GBE1: variants seen among roughly 807,000 people sequenced by gnomAD.
GBE1 encodes the protein 1,4-alpha-glucan-branching enzyme.
A neutral mutation model predicts 88.8 loss-of-function variants in GBE1; 70 were observed. The observed-to-expected ratio is 0.79, with a 90% CI of 0.65 to 0.96. The LOEUF (loss-of-function observed/expected upper bound fraction) is 0.96. GBE1 is among the 40% of genes least tolerant of loss of function. GBE1 has a pLI of 0.00. For missense variants in GBE1, 872 were observed against 871.0 expected (o/e 1.00, Z -0.01); for synonymous variants, 284 against 300.1 (o/e 0.95, Z 0.56).
intron 3 of GBE1, among the ~76,000 whole-genome samples, chr3:81,650,564 T>A (rs1339877661): frequency 6.6e-6 from 1 of 152,238 alleles, no homozygotes; most frequent in East Asian, 1.9e-4. Context: ...CAAATTTATT[T>A]TTTTAACTGA....
chr3:81,585,922 T>C (rs1703797689), intron 10 of GBE1, among the ~76,000 whole-genome samples, 170 bp downstream of exon 10: 1 of 152,230 alleles, frequency 6.6e-6, no homozygotes, highest in South Asian at 2.1e-4. Flanking sequence ...GAACTTTTAA[T>C]ATTTTGAGAA....
chr3:81,545,001 C>T (rs1703188451), intron 12 of GBE1, among the ~76,000 whole-genome samples: 1 of 151,844 alleles, frequency 6.6e-6, no homozygotes, highest in Non-Finnish European at 1.5e-5. Flanking sequence ...TGTTATTGTT[C>T]CCCAGTTTAC....
intron 1 of GBE1, among the ~76,000 whole-genome samples, chr3:81,744,108 T>C (rs1706389775): frequency 6.6e-6 from 1 of 152,090 alleles, no homozygotes; most frequent in Non-Finnish European, 1.5e-5. Flanking sequence ...ATACCAACTT[T>C]TTCCAAAAGC....
At chr3:81,674,600 T>C (rs1232503579) in intron 2 of GBE1, among the ~76,000 whole-genome samples, 1 of 151,872 alleles carries the variant, frequency 6.6e-6, no homozygotes, top group Non-Finnish European at 1.5e-5. Context: ...TATAAGCTGG[T>C]AGACACATTT....
chr3:81,601,534 C>T (rs993677950), intron 7 of GBE1, among the ~76,000 whole-genome samples: 4 of 152,020 alleles, frequency 2.6e-5, no homozygotes, highest in Admixed American at 2.0e-4. Flanking sequence ...TTTTCCACAA[C>T]GTAAAATGGA....
At chr3:81,663,170 G>C (rs1293059773) in intron 3 of GBE1, among the ~76,000 whole-genome samples, 1 of 152,164 alleles carries the variant, frequency 6.6e-6, no homozygotes, top group Non-Finnish European at 1.5e-5. Flanking sequence ...CCACTCTCAT[G>C]GACCTAGGTG....
rs1412755956 is a variant in GBE1, at chr3:81,490,400, G to A, written c.*7C>T. On this transcript the variant is annotated 3_prime_UTR_variant, in exon 16 of 16. Coordinates refer to ENST00000429644, the MANE Select transcript of GBE1 (RefSeq NM_000158.4). ...TCTGCATCTGGTGGAGCTGAAATCA[G>A]GCCTCTTCAATTCGGCAGATCCACA... is the stretch of plus-strand genomic sequence containing the variant. 3 of 1,610,582 alleles carry A rather than the reference G, an allele frequency of 1.9e-6. No individual in the cohort carries two copies. The highest frequency in any genetic ancestry group is 1.3e-5 in the African/African-American group (1 of 74,896).
At chr3:81,685,134 T>C (rs1364674224) in intron 2 of GBE1, among the ~76,000 whole-genome samples, 1 of 152,154 alleles carries the variant, frequency 6.6e-6, no homozygotes, top group Non-Finnish European at 1.5e-5. Context: ...TAGCTTCCAG[T>C]ATCTCCACAG....
chr3:81,677,175 T>C (rs2107124251), intron 2 of GBE1, among the ~76,000 whole-genome samples: 1 of 152,282 alleles, frequency 6.6e-6, no homozygotes, highest in South Asian at 2.1e-4. Flanking sequence ...AAGGTTCCAA[T>C]TTAGTATGTA....
chr3:81,754,128 G>T (rs553429364), intron 1 of GBE1, among the ~76,000 whole-genome samples: 2 of 152,100 alleles, frequency 1.3e-5, no homozygotes, highest in South Asian at 4.1e-4. Flanking sequence ...ATACAAAATC[G>T]AAATATAAAA....
intron 14 of GBE1, among the ~76,000 whole-genome samples, chr3:81,524,359 T>A (rs1431445048): frequency 2.0e-5 from 3 of 151,910 alleles, no homozygotes. Flanking sequence ...TTCCTATTGT[T>A]TGAGCTCCTT....
rs1377035925 is a variant in GBE1, at chr3:81,490,395, A to G, written c.*12T>C. Reference sequence around the variant, plus strand: ...ACAAATCTGCATCTGGTGGAGCTGAAATCAGGCCTCTTCAATTCGGCAGAT... The same window carrying G: ...ACAAATCTGCATCTGGTGGAGCTGAGATCAGGCCTCTTCAATTCGGCAGAT... On this transcript the variant is annotated 3_prime_UTR_variant, in exon 16 of 16. Transcript: ENST00000429644. The G allele has an allele frequency of 3.1e-6, 5 of 1,609,492 alleles. No individual in the cohort carries two copies. The Admixed American group carries it at 8.3e-5, about 27-fold the overall frequency.
intron 7 of GBE1, among the ~76,000 whole-genome samples, chr3:81,626,429 A>G (rs535011011): frequency 6.6e-6 from 1 of 152,350 alleles, no homozygotes; most frequent in Non-Finnish European, 1.5e-5. Flanking sequence ...CACAAATACA[A>G]TTGCAACTTT....
intron 1 of GBE1, among the ~76,000 whole-genome samples, chr3:81,756,774 A>G (rs1265799554): frequency 6.6e-6 from 1 of 152,214 alleles, no homozygotes; most frequent in Non-Finnish European, 1.5e-5. Context: ...CAGAAGCAAT[A>G]GCATGTACAA....
intron 7 of GBE1, among the ~76,000 whole-genome samples, chr3:81,625,821 T>C (rs1704407072): frequency 6.6e-6 from 1 of 152,114 alleles, no homozygotes; most frequent in African/African-American, 2.4e-5. Context: ...TGATATCTAT[T>C]GGAGTACGGG....
At chr3:81,661,210 T>C (rs1013546147) in intron 3 of GBE1, among the ~76,000 whole-genome samples, 17 of 152,076 alleles carry the variant, frequency 1.1e-4, no homozygotes, top group African/African-American at 2.7e-4. Context: ...TATGCCCACA[T>C]TGAAGGAAGA....
chr3:81,697,796 A>G (rs1037422108), intron 2 of GBE1, among the ~76,000 whole-genome samples: 2 of 152,012 alleles, frequency 1.3e-5, no homozygotes, highest in Non-Finnish European at 2.9e-5. Context: ...CCTGCTTTGG[A>G]GCAGGTGGAA....
Position 81,593,900 on chromosome 3 carries a change from T to A in GBE1, c.1108+8A>T, listed in dbSNP as rs961583898. 3 of 1,435,788 alleles carry A rather than the reference T, an allele frequency of 2.1e-6. No homozygotes were observed. The African/African-American group carries it at 4.2e-5, about 20-fold the overall frequency. The allele number at this position is 1,435,788 out of a possible 1,614,324, so 88.9% of individuals were successfully genotyped here. A position where few individuals can be genotyped will look rare whatever the true frequency, so the allele number is the denominator to read the frequency against. Reference sequence around the variant, plus strand: ...TAACCCCAAACCTGATTATATCAGGTTACCTACCCACTCCATGGTGATGAT... The same window carrying A: ...TAACCCCAAACCTGATTATATCAGGATACCTACCCACTCCATGGTGATGAT... On this transcript the variant is annotated splice_region_variant and intron_variant, in intron 8 of 15. Transcript: ENST00000429644.
In GBE1 at chr3:81,591,136, T is replaced by G. The variant is rs1351580140; in HGVS notation, c.1137A>C (p.Glu379Asp). Residue 379 changes from glutamate to aspartate, a missense_variant, in exon 9 of 16, where the codon GAA becomes GAC. Glu to Asp is a conservative substitution (Grantham distance 45, BLOSUM62 2). Transcript: ENST00000429644. ...CTTCATCTACTTGTAGTCCGAAATATTCACTGTAATCACCTGAGAAACCTT... is the reference window on the plus strand; with the variant it reads ...CTTCATCTACTTGTAGTCCGAAATAGTCACTGTAATCACCTGAGAAACCTT... Reference protein sequence around the residue: ...VGQGFSGDYSEYFGLQVDEDA... With the variant: ...VGQGFSGDYSDYFGLQVDEDA... 6.2e-7 allele frequency: 1 copy of G among 1,605,676 alleles called. No individual in the cohort carries two copies. The highest frequency in any genetic ancestry group is 8.5e-7 in the Non-Finnish European group (1 of 1,175,252).
Sources: allele counts gnomAD v4.1 joint callset (sites outside exome capture counted in the v4.1 genomes callset), GRCh38; gene constraint gnomAD v4.1.1; transcripts MANE v1.5; gene names NCBI Gene and HGNC (gene_info 2026-07-23, HGNC 2026-07-21).